The following CACNB2 variants were observed in gnomAD, a reference collection of about 807,000 sequenced individuals.
CACNB2 encodes calcium voltage-gated channel auxiliary subunit beta 2.
A neutral mutation model predicts 73.3 loss-of-function variants in CACNB2; 42 were observed. The observed-to-expected ratio is 0.57, with a 90% CI of 0.45 to 0.74. CACNB2 has a LOEUF of 0.74. CACNB2 is among the 30% of genes least tolerant of loss of function. The probability of loss-of-function intolerance (pLI) is 0.00; values close to 1 mark genes in which losing one functional copy is unlikely to be tolerated. For missense variants in CACNB2, 940 were observed against 853.0 expected (o/e 1.10, Z -1.27); for synonymous variants, 348 against 310.3 (o/e 1.12, Z -1.28).
At chr10:18,430,131 TAA>T (rs35215145) in intron 3 of CACNB2, among the ~76,000 whole-genome samples, 39,184 of 149,408 alleles carry the variant, frequency 0.26, 5,462 homozygotes, top group East Asian at 0.56. Flanking sequence ...AAGAAGATGT[TAA>T]AAAAAAAAAA....
chr10:18,522,414 C>T (rs2051989955), intron 9 of CACNB2, among the ~76,000 whole-genome samples: 1 of 152,140 alleles, frequency 6.6e-6, no homozygotes, highest in African/African-American at 2.4e-5. Flanking sequence ...AGGTTGGGGA[C>T]TGCTGCAATA....
In CACNB2 at chr10:18,443,004, A is replaced by ATG. The variant is rs1564554194; in HGVS notation, c.333+40962_333+40963insGT. Among the ~76,000 whole-genome samples, 32 of 22,364 alleles carry ATG rather than the reference A, an allele frequency of 1.4e-3. 2 individuals are homozygous for ATG. Among genetic ancestry groups the ATG allele is most frequent in the East Asian group, 6.7e-3 (4 of 594 alleles). 14.7% of individuals were successfully genotyped at this position (22,364 alleles called of 152,430 possible). On this transcript the variant is annotated intron_variant, in intron 3 of 13. Transcript: ENST00000324631. ...TATATATGTATATATATATGTGTAT[A>ATG]TATATATATGTATATATATATATAT...
intron 2 of CACNB2, among the ~76,000 whole-genome samples, chr10:18,310,549 G>T (rs1157967135): frequency 1.6e-5 from 2 of 126,576 alleles, no homozygotes; most frequent in Admixed American, 1.9e-4. Context: ...AGTTTGTGGT[G>T]AGCCAAGATC....
intron 2 of CACNB2, among the ~76,000 whole-genome samples, chr10:18,336,945 A>C (rs2132047925): frequency 6.6e-6 from 1 of 152,336 alleles, no homozygotes; most frequent in African/African-American, 2.4e-5. Context: ...TTAAAAGGAA[A>C]GAAAAAATAA....
intron 2 of CACNB2, among the ~76,000 whole-genome samples, chr10:18,195,675 C>T (rs2034592788): frequency 6.6e-6 from 1 of 152,228 alleles, no homozygotes; most frequent in African/African-American, 2.4e-5. Flanking sequence ...CCTGACCAGG[C>T]AGAGATGGCT....
chr10:18,185,552 T>C (rs2034108968), intron 2 of CACNB2, among the ~76,000 whole-genome samples: 1 of 152,206 alleles, frequency 6.6e-6, no homozygotes, highest in Non-Finnish European at 1.5e-5. Flanking sequence ...TTGGACTGTT[T>C]TGGACACAGT....
At chr10:18,300,554 G>A (rs1305149776) in intron 2 of CACNB2, among the ~76,000 whole-genome samples, 1 of 152,208 alleles carries the variant, frequency 6.6e-6, no homozygotes, top group Non-Finnish European at 1.5e-5. Context: ...CAATGACAAC[G>A]TATTTCAAAA....
intron 3 of CACNB2, among the ~76,000 whole-genome samples, chr10:18,458,939 C>T (rs12765646): frequency 0.67 from 100,882 of 151,168 alleles, 34,162 homozygotes; most frequent in South Asian, 0.75. Flanking sequence ...CTAATTTTTG[C>T]ATTTTTGTAG....
intron 3 of CACNB2, among the ~76,000 whole-genome samples, chr10:18,485,604 C>T (rs1450410333): frequency 6.8e-6 from 1 of 147,970 alleles, no homozygotes; most frequent in East Asian, 2.0e-4. Flanking sequence ...TTGTGTCGCC[C>T]AGGCTGGAGT....
intron 2 of CACNB2, among the ~76,000 whole-genome samples, chr10:18,228,520 TTA>T (rs1460692404): frequency 1.3e-5 from 2 of 151,138 alleles, no homozygotes; most frequent in Non-Finnish European, 2.9e-5. Context: ...CTTATTAGTC[TTA>T]CCAGACATGA....
At chr10:18,506,905 C>T (rs1443533756) in intron 6 of CACNB2, among the ~76,000 whole-genome samples, 1 of 152,156 alleles carries the variant, frequency 6.6e-6, no homozygotes, top group South Asian at 2.1e-4. Flanking sequence ...CTCAAGTGAT[C>T]CCCCCACCTC....
At chr10:18,410,523 A>G (rs1322694887) in intron 3 of CACNB2, among the ~76,000 whole-genome samples, 1 of 152,206 alleles carries the variant, frequency 6.6e-6, no homozygotes, top group East Asian at 1.9e-4. Flanking sequence ...AAAATATTAA[A>G]CATGTTTTAA....
At chr10:18,462,049 C>T (rs1429540577) in intron 3 of CACNB2, among the ~76,000 whole-genome samples, 2 of 152,134 alleles carry the variant, frequency 1.3e-5, no homozygotes, top group South Asian at 2.1e-4. Flanking sequence ...TCTAGAGAAT[C>T]GGTACTGTGT....
chr10:18,308,985 A>G (rs2039852701), intron 2 of CACNB2, among the ~76,000 whole-genome samples: 1 of 152,182 alleles, frequency 6.6e-6, no homozygotes, highest in Non-Finnish European at 1.5e-5. Flanking sequence ...GTTTGGAAGC[A>G]ATGCACAATT....
intron 3 of CACNB2, among the ~76,000 whole-genome samples, chr10:18,406,992 G>A (rs1244155734): frequency 6.6e-6 from 1 of 151,174 alleles, no homozygotes; most frequent in Non-Finnish European, 1.5e-5. Context: ...TTGAGAAAAT[G>A]TCTTTATTCT....
At chr10:18,350,366 C>G (rs540380421) in intron 2 of CACNB2, among the ~76,000 whole-genome samples, 25 of 152,360 alleles carry the variant, frequency 1.6e-4, no homozygotes, top group Admixed American at 1.3e-3. Flanking sequence ...AAGTTTGTCA[C>G]TAGCGTGGGG....
In CACNB2 at chr10:18,527,668, T is replaced by C. The variant is rs778426010; in HGVS notation, c.1025T>C (p.Ile342Thr). 5.0e-5 allele frequency: 81 copies of C among 1,613,500 alleles called. No homozygotes were observed. The East Asian group carries it at 6.5e-4, about 13-fold the overall frequency. ...VLNNPSKHAIIERSNTRSSLA... is the reference protein window; with the variant it reads ...VLNNPSKHAITERSNTRSSLA... ...AACAATCCCAGTAAGCACGCAATAATAGAAAGATCCAACACAAGGTCAAGC... is the reference window on the plus strand; with the variant it reads ...AACAATCCCAGTAAGCACGCAATAACAGAAAGATCCAACACAAGGTCAAGC... The change falls in exon 10 of 14, where the codon ATA (isoleucine) becomes ACA (threonine). Residue 342 changes from isoleucine (I) to threonine (T), a missense_variant. Physicochemically the swap from Ile to Thr is moderately conservative, Grantham distance 89. Transcript: ENST00000324631.
intron 3 of CACNB2, among the ~76,000 whole-genome samples, chr10:18,418,177 C>T (rs565968354): frequency 6.6e-6 from 1 of 152,146 alleles, no homozygotes; most frequent in Admixed American, 6.5e-5. Context: ...CATGTTCAGG[C>T]GATTCTCCTG....
chr10:18,208,658 G>A lies in CACNB2; in HGVS notation c.213+57683G>A, dbSNP rs929427489. ...AAGATTGTTTTAAAATGAATCTGACGTTATTCCTCATTCCTTATTGCTTGT... is the reference window on the plus strand; with the variant it reads ...AAGATTGTTTTAAAATGAATCTGACATTATTCCTCATTCCTTATTGCTTGT... On this transcript the variant is annotated intron_variant, in intron 2 of 13. Transcript: ENST00000324631. 4.6e-5 allele frequency among the ~76,000 whole-genome samples: 7 copies of A among 151,782 alleles called. No individual in the cohort carries two copies. The South Asian group carries it at 1.0e-3, about 23-fold the overall frequency.
Sources: gnomAD v4.1 joint callset for allele counts (sites outside exome capture counted in the v4.1 genomes callset) on GRCh38, gnomAD v4.1.1 for gene constraint, MANE v1.5 for transcripts, NCBI Gene and HGNC (gene_info 2026-07-23, HGNC 2026-07-21) for gene names.